Variants in EPB41L4A observed in about 807,000 individuals in gnomAD.
EPB41L4A encodes band 4.1-like protein 4A.
Under a neutral mutation model 108.6 loss-of-function variants are expected in EPB41L4A, and 100 were observed. That is an observed-to-expected ratio of 0.92 (90% CI 0.78 to 1.09). The LOEUF is 1.09. Among genes scored for constraint, EPB41L4A ranks in the 50% least tolerant of loss-of-function variants. The pLI is 0.00. For synonymous variants in EPB41L4A, 319 were observed against 289.0 expected, an observed-to-expected ratio of 1.10 and a Z score of -1.05; for missense variants, 1,030 against 842.7, an observed-to-expected ratio of 1.22 and a Z score of -2.75.
At chr5:112,171,928 ATAATGCTTTTAG>A (rs199670178) in intron 18 of EPB41L4A, among the ~76,000 whole-genome samples, 9,198 of 152,210 alleles carry the variant, frequency 0.06, 924 homozygotes, top group African/African-American at 0.21. Context: ...GGGGGGCTCA[ATAATGCTTTTAG>A]TGTATGATAT....
chr5:112,345,776 TATATACACACACAC>T (rs1325959904), intron 1 of EPB41L4A, among the ~76,000 whole-genome samples: 610 of 39,718 alleles, frequency 0.015, 3 homozygotes, highest in African/African-American at 0.043. Flanking sequence ...TACATATATA[TATATACACACACAC>T]ACACACACAC....
At chr5:112,355,598 T>G (rs75767489) in intron 1 of EPB41L4A, among the ~76,000 whole-genome samples, 1 of 152,136 alleles carries the variant, frequency 6.6e-6, no homozygotes, top group Non-Finnish European at 1.5e-5. Context: ...ACTAAGAATG[T>G]GGAAAACAAT....
chr5:112,374,614 T>C (rs1356312540), intron 1 of EPB41L4A, among the ~76,000 whole-genome samples: 3 of 152,244 alleles, frequency 2.0e-5, no homozygotes, highest in African/African-American at 4.8e-5. Flanking sequence ...AAAAGAACTC[T>C]GTGAACGCAC....
intron 9 of EPB41L4A, among the ~76,000 whole-genome samples, chr5:112,254,529 C>T (rs757504299): frequency 6.6e-6 from 1 of 152,136 alleles, no homozygotes; most frequent in Non-Finnish European, 1.5e-5. Flanking sequence ...CGCAAGTCCT[C>T]AATCCATTCT....
At chr5:112,303,005 GA>G (rs1353653196) in intron 2 of EPB41L4A, among the ~76,000 whole-genome samples, 1 of 152,130 alleles carries the variant, frequency 6.6e-6, no homozygotes. Context: ...GGTTACCTAA[GA>G]GGAACTTTCT....
At chr5:112,225,146 C>T (rs1045523090) in intron 12 of EPB41L4A, among the ~76,000 whole-genome samples, 1 of 152,316 alleles carries the variant, frequency 6.6e-6, no homozygotes, top group Middle Eastern at 3.4e-3. Context: ...CATTCTAGAA[C>T]TTGCTACACC....
intron 4 of EPB41L4A, among the ~76,000 whole-genome samples, chr5:112,269,708 A>G (rs77995337): frequency 0.02 from 3,023 of 152,340 alleles, 94 homozygotes; most frequent in African/African-American, 0.069. Flanking sequence ...ACAATAAATT[A>G]TACTGTGACT....
At chr5:112,375,437 A>C (rs891509814) in intron 1 of EPB41L4A, among the ~76,000 whole-genome samples, 5 of 152,162 alleles carry the variant, frequency 3.3e-5, no homozygotes, top group Non-Finnish European at 5.9e-5. Context: ...AATGCAAAAA[A>C]TGTTCTGGTT....
At chr5:112,281,533 G>A (rs1045844449) in intron 2 of EPB41L4A, among the ~76,000 whole-genome samples, 4 of 152,186 alleles carry the variant, frequency 2.6e-5, no homozygotes, top group Admixed American at 2.0e-4. Context: ...CTCCTAGCCA[G>A]ATGCTGGGGA....
At chr5:112,403,666 C>T (rs776145171) in intron 1 of EPB41L4A, among the ~76,000 whole-genome samples, 1 of 152,134 alleles carries the variant, frequency 6.6e-6, no homozygotes, top group African/African-American at 2.4e-5. Context: ...GGGGGTCTCA[C>T]CGTGTTGTCC....
intron 15 of EPB41L4A, among the ~76,000 whole-genome samples, chr5:112,199,077 A>C (rs1379575634): frequency 1.3e-5 from 2 of 152,208 alleles, no homozygotes; most frequent in Non-Finnish European, 2.9e-5. Context: ...ATGGCCTCAC[A>C]GTAATATGAG....
upstream of EPB41L4A, chr5:112,419,705 G>A (rs1762976542): frequency 2.2e-6 from 1 of 456,600 alleles, no homozygotes; most frequent in African/African-American, 2.0e-5. Flanking sequence ...CCGTCCCCCA[G>A]CCGCAAGCGC....
In EPB41L4A at chr5:112,209,973, C is replaced by G. The variant is rs890757; in HGVS notation, c.1097G>C (p.Ser366Thr). The part of the protein sequence containing the change: ...IAQTQPAESN[S>T]ISRITANMEN... ...CATGTTTGCAGTTATCCTACTGATG[C>G]TGTTTGATTCTAGCAGAGGAGGAGA... Residue 366 changes from serine (S) to threonine (T), a missense_variant, in exon 13 of 23, where the codon AGC (serine) becomes ACC (threonine). Coordinates refer to ENST00000261486, the MANE Select transcript of EPB41L4A (RefSeq NM_022140.5). The G allele has an allele frequency of 0.7, 1,110,024 of 1,577,192 alleles. 394,842 individuals carry two copies. The highest frequency in any genetic ancestry group is 0.99 in the East Asian group (44,029 of 44,372).
intron 6 of EPB41L4A, among the ~76,000 whole-genome samples, chr5:112,262,874 T>C (rs541002364): frequency 2.0e-5 from 3 of 152,290 alleles, no homozygotes; most frequent in East Asian, 1.9e-4. Context: ...AAAGAGGTTA[T>C]TGAGAATATA....
chr5:112,366,262 T>C (rs1002445879), intron 1 of EPB41L4A, among the ~76,000 whole-genome samples: 1 of 149,680 alleles, frequency 6.7e-6, no homozygotes, highest in Non-Finnish European at 1.5e-5. Context: ...GTGGTATACT[T>C]GCCCATGTTT....
At chr5:112,145,739 G>T in intron 13 of EPB41L4A, 9 of 300,284 alleles carry the variant, frequency 3.0e-5, no homozygotes, top group South Asian at 8.6e-5. Context: ...TTTGATAAAC[G>T]TGCATACAAC....
chr5:112,270,898 C>CT (rs1439654378), intron 4 of EPB41L4A, among the ~76,000 whole-genome samples: 1 of 152,184 alleles, frequency 6.6e-6, no homozygotes, highest in East Asian at 1.9e-4. Flanking sequence ...TTTTGAGACT[C>CT]TAAAAAATAT....
rs149789108 is a variant in EPB41L4A at position 112,204,945 on chromosome 5, G to A, written c.1263-457C>T. Among the ~76,000 whole-genome samples, 447 of 152,228 alleles carry A rather than the reference G, an allele frequency of 2.9e-3. 4 individuals are homozygous for A. Among genetic ancestry groups the A allele is most frequent in the African/African-American group, 0.01 (420 of 41,548 alleles). ...GCCCAAATAAAGTAGCTAGGAAGTG[G>A]CAGGGCTAGAATTTGAACTATAAGT... On this transcript the variant is annotated intron_variant, in intron 14 of 22. Coordinates refer to ENST00000261486, the MANE Select transcript of EPB41L4A (RefSeq NM_022140.5).
rs540801888 is a variant in EPB41L4A, at chr5:112,291,568, A to G, written c.205-11245T>C. On this transcript the variant is annotated intron_variant, in intron 2 of 22. Coordinates refer to ENST00000261486, the MANE Select transcript of EPB41L4A (RefSeq NM_022140.5). Reference sequence around the variant, plus strand: ...TTCACCTGCCCCTAGCAGGACTCTAATCTTCTCCCACCTTTCTGACTGTGG... The same window carrying G: ...TTCACCTGCCCCTAGCAGGACTCTAGTCTTCTCCCACCTTTCTGACTGTGG... Among the ~76,000 whole-genome samples the G allele has an allele frequency of 3.9e-5, 6 of 152,196 alleles. No homozygotes were observed. The South Asian group carries it at 1.0e-3, about 26-fold the overall frequency.
Sources: allele counts gnomAD v4.1 joint callset (sites outside exome capture counted in the v4.1 genomes callset), GRCh38; gene constraint gnomAD v4.1.1; transcripts MANE v1.5; gene names NCBI Gene and HGNC (gene_info 2026-07-23, HGNC 2026-07-21).